Variants in FUT8 observed in about 807,000 individuals in gnomAD.
The protein encoded by FUT8 is fucosyltransferase 8.
In FUT8, 29 loss-of-function variants were observed where a neutral mutation model predicts 71.3. The observed-to-expected ratio is 0.41, with a 90% CI of 0.30 to 0.55. The LOEUF (loss-of-function observed/expected upper bound fraction) is 0.55, where lower values mean the gene tolerates loss of function less well. Among genes scored for constraint, FUT8 ranks in the 20% least tolerant of loss-of-function variants. The pLI is 0.34. For synonymous variants in FUT8, 254 were observed against 239.3 expected (o/e 1.06, Z -0.57); for missense variants, 544 against 702.1 (o/e 0.77, Z 2.55).
intron 2 of FUT8, among the ~76,000 whole-genome samples, chr14:65,559,814 G>A (rs746241432): frequency 2.6e-5 from 4 of 152,182 alleles, no homozygotes; most frequent in Non-Finnish European, 5.9e-5. Flanking sequence ...TTGAGAAAGA[G>A]TTTTAAGAAA....
At chr14:65,690,945 C>A (rs1260919567) in intron 7 of FUT8, among the ~76,000 whole-genome samples, 1 of 144,850 alleles carries the variant, frequency 6.9e-6, no homozygotes, top group East Asian at 1.9e-4. Flanking sequence ...AGGCTGGTCT[C>A]AAACTCCTGA....
intron 2 of FUT8, among the ~76,000 whole-genome samples, chr14:65,519,668 T>C (rs1882953039): frequency 6.6e-6 from 1 of 152,332 alleles, no homozygotes; most frequent in South Asian, 2.1e-4. Context: ...GTCCTGTAAA[T>C]GTAAAAGTGT....
At chr14:65,553,303 G>T (rs185604636) in intron 2 of FUT8, among the ~76,000 whole-genome samples, 33 of 152,184 alleles carry the variant, frequency 2.2e-4, no homozygotes, top group Non-Finnish European at 3.7e-4. Context: ...TTCATGTGTA[G>T]TGAGACAACT....
intron 2 of FUT8, among the ~76,000 whole-genome samples, chr14:65,554,576 G>A (rs764789222): frequency 2.0e-5 from 3 of 151,970 alleles, no homozygotes; most frequent in Non-Finnish European, 2.9e-5. Flanking sequence ...GATGATGTTG[G>A]TGTATATGTG....
chr14:65,496,833 G>A (rs2139748772), intron 2 of FUT8, among the ~76,000 whole-genome samples: 1 of 152,256 alleles, frequency 6.6e-6, no homozygotes, highest in East Asian at 1.9e-4. Context: ...TGTGCTTGCT[G>A]TTGTTGCCGT....
intron 3 of FUT8, among the ~76,000 whole-genome samples, chr14:65,580,980 A>G (rs1009199897): frequency 6.6e-6 from 1 of 152,102 alleles, no homozygotes; most frequent in Non-Finnish European, 1.5e-5. Flanking sequence ...TAATATTTCT[A>G]GGTATTTCAC....
chr14:65,485,731 G>A (rs922352007), intron 2 of FUT8, among the ~76,000 whole-genome samples: 5 of 152,086 alleles, frequency 3.3e-5, no homozygotes, highest in Non-Finnish European at 7.4e-5. Flanking sequence ...CTACTTTCCC[G>A]GGGCTAGCTA....
chr14:65,728,640 A>G lies in FUT8; in HGVS notation c.1259+4317A>G, dbSNP rs1594943874. Among the ~76,000 whole-genome samples, 8 of 152,242 alleles carry G rather than the reference A, an allele frequency of 5.3e-5. No individual in the cohort carries two copies. In the South Asian group the frequency reaches 1.7e-3, roughly 32 times the overall value. On this transcript the variant is annotated intron_variant, in intron 9 of 10. Transcript: ENST00000673929. Reference sequence around the variant, plus strand: ...GAAACACCTGTATGATGGTAGTCCCATAGATTATAAAACTATACTTTTACT... The same window carrying G: ...GAAACACCTGTATGATGGTAGTCCCGTAGATTATAAAACTATACTTTTACT...
the FUT8 span, among the ~76,000 whole-genome samples, chr14:65,383,523 G>A: frequency 9.9e-5 from 15 of 152,170 alleles, 1 homozygote; most frequent in African/African-American, 3.6e-4. Context: ...GCCTGCCTTG[G>A]CCTCCCAAAG....
chr14:65,724,789 T>C (rs1895595250), intron 9 of FUT8, among the ~76,000 whole-genome samples: 1 of 152,200 alleles, frequency 6.6e-6, no homozygotes, highest in Non-Finnish European at 1.5e-5. Context: ...CACTCTGTGC[T>C]CTTGTGACCT....
intron 7 of FUT8, among the ~76,000 whole-genome samples, chr14:65,676,778 A>G (rs1892737119): frequency 6.6e-6 from 1 of 152,228 alleles, no homozygotes; most frequent in East Asian, 1.9e-4. Flanking sequence ...TAGCATTTTG[A>G]TAACAGAGTC....
intron 2 of FUT8, among the ~76,000 whole-genome samples, chr14:65,499,759 A>C (rs1234304614): frequency 1.3e-5 from 2 of 151,564 alleles, no homozygotes; most frequent in African/African-American, 4.9e-5. Flanking sequence ...TCCAGGCTGC[A>C]GTGATCTGTG....
chr14:65,730,448 C>T (rs1305371529), intron 9 of FUT8, among the ~76,000 whole-genome samples: 4 of 152,020 alleles, frequency 2.6e-5, no homozygotes, highest in Non-Finnish European at 4.4e-5. Context: ...CCGAGGTGGG[C>T]GGATCACTAG....
At chr14:65,674,209 A>G (rs930030299) in intron 7 of FUT8, among the ~76,000 whole-genome samples, 2 of 152,198 alleles carry the variant, frequency 1.3e-5, no homozygotes, top group Non-Finnish European at 2.9e-5. Context: ...GAAACTTAAA[A>G]CAAGTACATT....
intron 9 of FUT8, 97 bp downstream of exon 9, chr14:65,724,420 T>A: frequency 1.4e-6 from 1 of 709,336 alleles, no homozygotes; most frequent in Non-Finnish European, 2.3e-6. Flanking sequence ...TATATTATTA[T>A]TGCTAATTAT....
intron 3 of FUT8, among the ~76,000 whole-genome samples, chr14:65,582,509 G>A (rs1887147119): frequency 6.6e-6 from 1 of 152,028 alleles, no homozygotes; most frequent in African/African-American, 2.4e-5. Context: ...CCCATCCCCA[G>A]CTGTCCTAAG....
chr14:65,679,231 A>T (rs1056143362), intron 7 of FUT8, among the ~76,000 whole-genome samples: 2 of 152,166 alleles, frequency 1.3e-5, no homozygotes, highest in African/African-American at 4.8e-5. Context: ...TGATCCATAT[A>T]ATTTAGAATT....
intron 3 of FUT8, among the ~76,000 whole-genome samples, chr14:65,592,930 C>G (rs561100369): frequency 1.3e-5 from 2 of 152,160 alleles, no homozygotes; most frequent in Non-Finnish European, 2.9e-5. Context: ...AGCATCTGGG[C>G]TGGACCAAGG....
rs1285048130 is a variant in FUT8, at chr14:65,597,533, G to A, written c.204-18445G>A. On this transcript the variant is annotated intron_variant, in intron 3 of 10. Transcript: ENST00000673929. ...AGCTACTCGGGAGGCTGAGGCAGGAGAATGGTGTGAACCCGGGAGGCGGAG... is the reference window on the plus strand; with the variant it reads ...AGCTACTCGGGAGGCTGAGGCAGGAAAATGGTGTGAACCCGGGAGGCGGAG... Among the ~76,000 whole-genome samples the A allele has an allele frequency of 7.9e-5, 12 of 151,972 alleles. No homozygotes were observed. The East Asian group carries it at 2.3e-3, about 29-fold the overall frequency.
Sources: gnomAD v4.1 joint callset for allele counts (sites outside exome capture counted in the v4.1 genomes callset) on GRCh38, gnomAD v4.1.1 for gene constraint, MANE v1.5 for transcripts, NCBI Gene and HGNC (gene_info 2026-07-23, HGNC 2026-07-21) for gene names.